Variants in TENM3 observed in about 807,000 individuals in gnomAD.
TENM3 encodes the protein teneurin-3.
In TENM3, 63 loss-of-function variants were observed where a neutral mutation model predicts 255.1. The ratio of observed to expected loss-of-function variants is 0.25; its 90% CI spans 0.20 to 0.30. The LOEUF (loss-of-function observed/expected upper bound fraction) is 0.30. Ranked by LOEUF, TENM3 falls within the 10% of genes least tolerant of loss-of-function variation. TENM3 has a pLI of 1.00. For synonymous variants in TENM3, 1,306 were observed against 1,322.3 expected (o/e 0.99, Z 0.27); for missense variants, 2,929 against 3,461.1 (o/e 0.85, Z 3.86).
intron 3 of TENM3, among the ~76,000 whole-genome samples, chr4:182,457,133 C>T (rs948304722): frequency 2.7e-5 from 4 of 149,134 alleles, no homozygotes; most frequent in Non-Finnish European, 4.4e-5. Context: ...TGCAGTGAGC[C>T]GAGATTGTGC....
chr4:182,779,358 T>G (rs1764982309), intron 24 of TENM3, among the ~76,000 whole-genome samples: 2 of 152,150 alleles, frequency 1.3e-5, no homozygotes, highest in African/African-American at 4.8e-5. Context: ...GTTTTCCAAT[T>G]TCATCCATGT....
chr4:181,826,218 A>G, the TENM3 span, among the ~76,000 whole-genome samples: 1 of 152,238 alleles, frequency 6.6e-6, no homozygotes, highest in Non-Finnish European at 1.5e-5. Flanking sequence ...TTACTAAGTT[A>G]ACCTTGAAAT....
intron 1 of TENM3, among the ~76,000 whole-genome samples, chr4:182,247,111 G>A (rs1423939713): frequency 1.3e-5 from 2 of 152,124 alleles, no homozygotes; most frequent in African/African-American, 4.8e-5. Context: ...AATATGAGTC[G>A]AGCTAGAATC....
At chr4:182,545,290 A>T (rs1291485020) in intron 3 of TENM3, among the ~76,000 whole-genome samples, 1 of 152,108 alleles carries the variant, frequency 6.6e-6, no homozygotes, top group African/African-American at 2.4e-5. Context: ...TCATTAATAG[A>T]TGTATATTTT....
chr4:182,508,148 A>T (rs946667469), intron 3 of TENM3, among the ~76,000 whole-genome samples: 3 of 152,182 alleles, frequency 2.0e-5, no homozygotes, highest in Admixed American at 6.5e-5. Flanking sequence ...TGTTATAAGG[A>T]TGAGACATAC....
chr4:182,652,816 G>A (rs1182986115), intron 5 of TENM3, among the ~76,000 whole-genome samples: 1 of 152,146 alleles, frequency 6.6e-6, no homozygotes, highest in African/African-American at 2.4e-5. Context: ...TCATGATATG[G>A]TAATATGACC....
intron 3 of TENM3, among the ~76,000 whole-genome samples, chr4:182,417,617 A>C (rs1170020295): frequency 6.6e-6 from 1 of 152,200 alleles, no homozygotes; most frequent in Admixed American, 6.5e-5. Flanking sequence ...AAACGGCTAA[A>C]AGTCACTTTG....
At chr4:181,481,818 A>G in the TENM3 span, among the ~76,000 whole-genome samples, 1 of 152,208 alleles carries the variant, frequency 6.6e-6, no homozygotes, top group Non-Finnish European at 1.5e-5. Flanking sequence ...GCACATAGTA[A>G]GTGCTCAATA....
chr4:181,758,564 T>G, the TENM3 span, among the ~76,000 whole-genome samples: 1 of 152,168 alleles, frequency 6.6e-6, no homozygotes, highest in African/African-American at 2.4e-5. Flanking sequence ...CTAATTAGCT[T>G]TTTAAGCTGT....
chr4:182,623,479 TTTTGTTTG>T (rs140826051), intron 4 of TENM3, among the ~76,000 whole-genome samples: 27 of 149,812 alleles, frequency 1.8e-4, no homozygotes, highest in African/African-American at 5.2e-4. Flanking sequence ...ATTTTTTGTA[TTTTGTTTG>T]TTTGTTTGTT....
intron 3 of TENM3, among the ~76,000 whole-genome samples, chr4:182,441,286 G>A (rs962604694): frequency 2.0e-5 from 3 of 152,222 alleles, no homozygotes; most frequent in East Asian, 1.9e-4. Flanking sequence ...CTCTGCCCTC[G>A]TGAGGTTTAT....
chr4:181,558,636 A>G, the TENM3 span, among the ~76,000 whole-genome samples: 47 of 152,334 alleles, frequency 3.1e-4, no homozygotes, highest in Admixed American at 2.9e-3. Flanking sequence ...CCTGGTTGCA[A>G]TGATGCCTGG....
At chr4:182,312,351 G>C (rs2150423848) in intron 1 of TENM3, among the ~76,000 whole-genome samples, 1 of 152,218 alleles carries the variant, frequency 6.6e-6, no homozygotes, top group East Asian at 1.9e-4. Context: ...AGCAGAGCGA[G>C]ACCCTGTCTC....
At chr4:182,648,686 C>CT (rs1752978239) in intron 5 of TENM3, among the ~76,000 whole-genome samples, 1 of 152,180 alleles carries the variant, frequency 6.6e-6, no homozygotes, top group African/African-American at 2.4e-5. Context: ...ATGTGAGCAG[C>CT]ACTCCAGAAA....
At chr4:182,021,936 T>G in the TENM3 span, among the ~76,000 whole-genome samples, 2 of 152,184 alleles carry the variant, frequency 1.3e-5, no homozygotes, top group African/African-American at 2.4e-5. Context: ...TTATACATTG[T>G]TAGTGGAAAT....
intron 1 of TENM3, among the ~76,000 whole-genome samples, chr4:182,230,817 T>TATAC (rs1387548874): frequency 2.0e-5 from 1 of 49,600 alleles, no homozygotes; most frequent in East Asian, 5.8e-4. Flanking sequence ...TCAAACTATA[T>TATAC]ATATATATAT....
intron 24 of TENM3, among the ~76,000 whole-genome samples, chr4:182,785,618 G>A (rs1386176249): frequency 2.7e-5 from 4 of 149,868 alleles, no homozygotes; most frequent in African/African-American, 9.9e-5. Flanking sequence ...TGAGGTGGGA[G>A]GATCACTTGA....
rs11373586 is a variant in TENM3, at chr4:182,346,995, C to CG, written c.511+74dup. On this transcript the variant is annotated intron_variant, in intron 3 of 27. Transcript: ENST00000511685. ...CTTCTGTCTGTTTTGGTTGACTCCG[C>CG]GGGGGGGGATGTTTTTCTTTCTCTC... 0.76 allele frequency: 645,178 copies of CG among 843,882 alleles called. 242,071 individuals are homozygous for CG. Among genetic ancestry groups the CG allele is most frequent in the African/African-American group, 0.86 (50,309 of 58,596 alleles). The allele number at this position is 843,882 out of a possible 1,614,324, so 52.3% of individuals were successfully genotyped here. A position where few individuals can be genotyped will look rare whatever the true frequency, so the allele number is the denominator to read the frequency against.
chr4:181,637,400 G>A, the TENM3 span, among the ~76,000 whole-genome samples: 7 of 152,336 alleles, frequency 4.6e-5, no homozygotes, highest in Admixed American at 4.6e-4. Context: ...GGTGGGGAAT[G>A]AGTAGGTGGA....
Sources: allele counts gnomAD v4.1 joint callset (sites outside exome capture counted in the v4.1 genomes callset), GRCh38; gene constraint gnomAD v4.1.1; transcripts MANE v1.5; gene names NCBI Gene and HGNC (gene_info 2026-07-23, HGNC 2026-07-21).